The following ANKRD44 variants were observed in gnomAD, a reference collection of about 807,000 sequenced individuals.
ANKRD44 encodes ankyrin repeat domain 44.
In ANKRD44, 35 loss-of-function variants were observed where a neutral mutation model predicts 116.0. The ratio of observed to expected loss-of-function variants is 0.30; its 90% CI spans 0.23 to 0.40. The LOEUF (loss-of-function observed/expected upper bound fraction) is 0.40, where lower values mean the gene tolerates loss of function less well. Among genes scored for constraint, ANKRD44 ranks in the 10% least tolerant of loss-of-function variants. The probability of loss-of-function intolerance (pLI) is 1.00; values close to 1 mark genes in which losing one functional copy is unlikely to be tolerated. For missense variants in ANKRD44, 1,014 were observed against 1,242.6 expected (o/e 0.82, Z 2.77); for synonymous variants, 435 against 461.8 (o/e 0.94, Z 0.74).
intron 1 of ANKRD44, among the ~76,000 whole-genome samples, chr2:197,211,139 T>C (rs2081315511): frequency 2.0e-5 from 3 of 152,164 alleles, no homozygotes. Flanking sequence ...CCCTCAATAT[T>C]CTGGGAGATC....
At chr2:197,256,750 C>T (rs1444907130) in intron 1 of ANKRD44, among the ~76,000 whole-genome samples, 6 of 152,096 alleles carry the variant, frequency 3.9e-5, no homozygotes, top group Non-Finnish European at 8.8e-5. Flanking sequence ...GGATGTAAGG[C>T]CCTGTGTATA....
At chr2:197,198,590 G>C (rs982372825) in intron 1 of ANKRD44, among the ~76,000 whole-genome samples, 1 of 151,996 alleles carries the variant, frequency 6.6e-6, no homozygotes, top group Admixed American at 6.6e-5. Context: ...CCAGGAGTTT[G>C]AGACCAGCCT....
At chr2:197,299,672 G>A (rs1331795616) in intron 1 of ANKRD44, 3 of 152,172 alleles carry the variant, frequency 2.0e-5, no homozygotes, top group Non-Finnish European at 4.4e-5. Context: ...GAGCTTTGGG[G>A]AATCAGGGAA....
chr2:197,040,107 T>C (rs2076882211), intron 16 of ANKRD44, among the ~76,000 whole-genome samples: 1 of 151,846 alleles, frequency 6.6e-6, no homozygotes, highest in Admixed American at 6.6e-5. Flanking sequence ...GGTGTGGTGG[T>C]GTGCACCTAT....
chr2:197,097,170 T>C (rs891106970), intron 10 of ANKRD44, among the ~76,000 whole-genome samples: 2 of 152,226 alleles, frequency 1.3e-5, no homozygotes, highest in Admixed American at 6.5e-5. Context: ...TTGAATTAAA[T>C]GGTTTTTAGG....
intron 1 of ANKRD44, among the ~76,000 whole-genome samples, chr2:197,222,893 A>G (rs2081617565): frequency 6.6e-6 from 1 of 151,630 alleles, no homozygotes; most frequent in Admixed American, 6.6e-5. Flanking sequence ...GCTCCCTGCA[A>G]CCTCCACCTC....
intron 21 of ANKRD44, among the ~76,000 whole-genome samples, chr2:197,002,752 A>G (rs1307968390): frequency 6.6e-6 from 1 of 152,140 alleles, no homozygotes; most frequent in Admixed American, 6.6e-5. Flanking sequence ...AACAAAAAAC[A>G]ACGACAAAGT....
At chr2:197,089,750 G>A (rs1028385238) in intron 11 of ANKRD44, among the ~76,000 whole-genome samples, 200 bp downstream of exon 11, 1 of 152,174 alleles carries the variant, frequency 6.6e-6, no homozygotes, top group African/African-American at 2.4e-5. Flanking sequence ...TCTGGGGCAG[G>A]AATAATGACA....
At chr2:197,004,977 C>T (rs1462989399) in intron 21 of ANKRD44, among the ~76,000 whole-genome samples, 2 of 152,000 alleles carry the variant, frequency 1.3e-5, no homozygotes, top group Non-Finnish European at 2.9e-5. Context: ...ATCTGCAATA[C>T]AATTTAAACA....
intron 16 of ANKRD44, among the ~76,000 whole-genome samples, chr2:197,063,213 C>G (rs1360373282): frequency 6.6e-6 from 1 of 152,166 alleles, no homozygotes; most frequent in Non-Finnish European, 1.5e-5. Context: ...GGACCTCCAG[C>G]AAACTCCAAC....
rs185604151 is a variant in ANKRD44, at chr2:197,291,561, C to G, written c.27+19017G>C. Among the ~76,000 whole-genome samples, 3 of 152,184 alleles carry G rather than the reference C, an allele frequency of 2.0e-5. 1 individual carries two copies. Among genetic ancestry groups the G allele is most frequent in the South Asian group, 4.1e-4 (2 of 4,824 alleles). The stretch of plus-strand genomic sequence containing the variant: ...GGATAAAAGTGCGGTAATTTACAGG[C>G]ATGAGCCACCACACCCAGCCAAATT... On this transcript the variant is annotated intron_variant, in intron 1 of 27. Transcript: ENST00000282272.
At chr2:197,117,029 T>C (rs2078726896) in intron 8 of ANKRD44, among the ~76,000 whole-genome samples, 1 of 152,168 alleles carries the variant, frequency 6.6e-6, no homozygotes, top group Admixed American at 6.6e-5. Context: ...TTCACAGCAG[T>C]TCCATGGAGA....
chr2:197,251,713 A>G (rs990227041), intron 1 of ANKRD44, among the ~76,000 whole-genome samples: 2 of 152,276 alleles, frequency 1.3e-5, no homozygotes, highest in East Asian at 3.9e-4. Context: ...ATATTTCAAA[A>G]CAAAGTTGGC....
intron 1 of ANKRD44, among the ~76,000 whole-genome samples, chr2:197,205,971 G>T (rs2081196528): frequency 6.6e-6 from 1 of 152,210 alleles, no homozygotes; most frequent in African/African-American, 2.4e-5. Flanking sequence ...GAGTGAAATT[G>T]TAAGGTGGGG....
chr2:197,082,272 G>C (rs2077815393), intron 14 of ANKRD44, among the ~76,000 whole-genome samples: 1 of 152,162 alleles, frequency 6.6e-6, no homozygotes, highest in Admixed American at 6.5e-5. Context: ...CTCAATAAAT[G>C]TTTGTTAAGC....
At chr2:197,277,822 T>A (rs2083135490) in intron 1 of ANKRD44, among the ~76,000 whole-genome samples, 1 of 152,144 alleles carries the variant, frequency 6.6e-6, no homozygotes, top group Admixed American at 6.5e-5. Context: ...GAGGAAATTA[T>A]CATAATTAGA....
At chr2:197,213,511 G>T (rs1169351320) in intron 1 of ANKRD44, among the ~76,000 whole-genome samples, 1 of 152,104 alleles carries the variant, frequency 6.6e-6, no homozygotes, top group Non-Finnish European at 1.5e-5. Flanking sequence ...CTCATTAGAT[G>T]ATATAAAAAA....
intron 16 of ANKRD44, among the ~76,000 whole-genome samples, chr2:197,068,596 C>T (rs1169798835): frequency 6.6e-6 from 1 of 151,856 alleles, no homozygotes; most frequent in Non-Finnish European, 1.5e-5. Flanking sequence ...CTACAAAGAA[C>T]TTAAACAAAT....
intron 2 of ANKRD44, among the ~76,000 whole-genome samples, chr2:197,149,970 C>T (rs148522257): frequency 2.3e-3 from 345 of 152,296 alleles, no homozygotes; most frequent in Non-Finnish European, 4.0e-3. Flanking sequence ...AGCCCAATGA[C>T]ATCCTTAGGG....
Sources: gnomAD v4.1 joint callset for allele counts (sites outside exome capture counted in the v4.1 genomes callset) on GRCh38, gnomAD v4.1.1 for gene constraint, MANE v1.5 for transcripts, NCBI Gene and HGNC (gene_info 2026-07-23, HGNC 2026-07-21) for gene names.